Variants in AFF3 observed in about 807,000 individuals in gnomAD.
The protein encoded by AFF3 is ALF transcription elongation factor 3, also known as AF4/FMR2 family member 3.
AFF3 carries 32 observed loss-of-function variants against 129.7 expected under a neutral mutation model. The ratio of observed to expected loss-of-function variants is 0.25; its 90% CI spans 0.19 to 0.33. The LOEUF (loss-of-function observed/expected upper bound fraction) is 0.33, where lower values mean the gene tolerates loss of function less well. AFF3 is among the 10% of genes least tolerant of loss of function. AFF3 has a pLI of 1.00. For synonymous variants in AFF3, 644 were observed against 635.4 expected, an observed-to-expected ratio of 1.01 and a Z score of -0.20; for missense variants, 1,373 against 1,592.0, an observed-to-expected ratio of 0.86 and a Z score of 2.34.
chr2:99,974,920 G>A (rs1002634890), intron 7 of AFF3, among the ~76,000 whole-genome samples: 5 of 152,164 alleles, frequency 3.3e-5, no homozygotes, highest in African/African-American at 9.7e-5. Flanking sequence ...GTGCAGCTCC[G>A]TGGCATGGTG....
At position 99,816,582 on chromosome 2, in the gene AFF3, T is replaced by C. The variant is rs574791548; in HGVS notation, c.921+20895A>G. Among the ~76,000 whole-genome samples the C allele has an allele frequency of 5.2e-4, 79 of 152,266 alleles. No homozygotes were observed. In the Middle Eastern group the frequency reaches 0.017, roughly 33 times the overall value. On this transcript the variant is annotated intron_variant, in intron 8 of 24. Coordinates refer to ENST00000672756, the MANE Select transcript of AFF3 (RefSeq NM_001386135.1). The stretch of plus-strand genomic sequence containing the variant: ...AGACTGCTATCTGCTTGGCTATGAG[T>C]GTCCCTCCTTGGCTTTGGGTCTCCC...
chr2:99,958,204 G>GT (rs1676846831), intron 7 of AFF3, among the ~76,000 whole-genome samples: 1 of 152,114 alleles, frequency 6.6e-6, no homozygotes, highest in Non-Finnish European at 1.5e-5. Flanking sequence ...AAAACTGGGG[G>GT]ATACAGGCAG....
chr2:100,077,811 A>T (rs1174609803), intron 4 of AFF3, among the ~76,000 whole-genome samples: 1 of 152,204 alleles, frequency 6.6e-6, no homozygotes, highest in Non-Finnish European at 1.5e-5. Context: ...AGAGTTTTTA[A>T]GGCTGGATAA....
At chr2:99,611,545 G>A (rs1279801467) in intron 13 of AFF3, among the ~76,000 whole-genome samples, 1 of 152,074 alleles carries the variant, frequency 6.6e-6, no homozygotes, top group Non-Finnish European at 1.5e-5. Flanking sequence ...ATGGAGAGGG[G>A]GCCACAGTTT....
At chr2:99,717,933 G>A (rs1006295191) in intron 11 of AFF3, among the ~76,000 whole-genome samples, 11 of 152,110 alleles carry the variant, frequency 7.2e-5, no homozygotes, top group South Asian at 4.1e-4. Flanking sequence ...GAAAAGACCC[G>A]GCTTTCCCCA....
intron 4 of AFF3, among the ~76,000 whole-genome samples, chr2:100,025,746 ATACT>A (rs1292659118): frequency 6.6e-6 from 1 of 152,206 alleles, no homozygotes; most frequent in African/African-American, 2.4e-5. Flanking sequence ...ATAAACCCAA[ATACT>A]TACAGCCAAC....
intron 4 of AFF3, among the ~76,000 whole-genome samples, chr2:100,019,452 TA>T (rs951530772): frequency 3.9e-5 from 6 of 152,142 alleles, no homozygotes; most frequent in Admixed American, 3.9e-4. Context: ...TCATGATAGC[TA>T]ATCACCCTGA....
At chr2:99,746,491 C>T (rs1026675441) in intron 9 of AFF3, among the ~76,000 whole-genome samples, 2 of 152,172 alleles carry the variant, frequency 1.3e-5, no homozygotes, top group Non-Finnish European at 2.9e-5. Context: ...CTCTATTAAA[C>T]AGCCTGAGTC....
chr2:99,642,124 G>A (rs1455127053), intron 13 of AFF3, among the ~76,000 whole-genome samples: 8 of 152,176 alleles, frequency 5.3e-5, no homozygotes, highest in African/African-American at 1.2e-4. Flanking sequence ...TCAACGGTAC[G>A]AAGCACAAAA....
intron 7 of AFF3, among the ~76,000 whole-genome samples, chr2:99,901,907 C>T (rs796348900): frequency 6.6e-5 from 10 of 152,104 alleles, no homozygotes; most frequent in African/African-American, 2.4e-4. Flanking sequence ...CATGACCGGT[C>T]CCACAGTCAT....
rs554743964 is a variant in AFF3, at chr2:99,641,430, C to T, written c.1184+8196G>A. On this transcript the variant is annotated intron_variant, in intron 13 of 24. Transcript: ENST00000672756. Reference sequence around the variant, plus strand: ...TGGTGGCTCACGCCTGTAATTTCAGCACTTTGGGAGGCTGGGGTGGGTGGA... The same window carrying T: ...TGGTGGCTCACGCCTGTAATTTCAGTACTTTGGGAGGCTGGGGTGGGTGGA... Among the ~76,000 whole-genome samples, 9 of 152,260 alleles carry T rather than the reference C, an allele frequency of 5.9e-5. No individual in the cohort carries two copies. The South Asian group carries it at 1.9e-3, about 32-fold the overall frequency.
chr2:100,030,227 G>T (rs910025149), intron 4 of AFF3, among the ~76,000 whole-genome samples: 17 of 152,076 alleles, frequency 1.1e-4, no homozygotes, highest in African/African-American at 4.1e-4. Context: ...AAAACACCAT[G>T]TAATTTTCCT....
intron 8 of AFF3, among the ~76,000 whole-genome samples, chr2:99,770,764 C>T (rs1219202009): frequency 3.3e-5 from 5 of 152,158 alleles, no homozygotes; most frequent in Non-Finnish European, 5.9e-5. Flanking sequence ...CAGGGTGTCT[C>T]TCTAGAAATG....
At chr2:99,993,792 C>CTTTTTTTTTTTTTTTTT (rs751882272) in intron 7 of AFF3, among the ~76,000 whole-genome samples, 1 of 72,538 alleles carries the variant, frequency 1.4e-5, no homozygotes, top group Non-Finnish European at 2.5e-5. Context: ...AACACTTTAT[C>CTTTTTTTTTTTTTTTTT]TTTTTTTTTT....
chr2:99,694,258 C>T (rs987306202), intron 11 of AFF3, among the ~76,000 whole-genome samples: 1 of 152,154 alleles, frequency 6.6e-6, no homozygotes, highest in Non-Finnish European at 1.5e-5. Flanking sequence ...GTGCTTTAGA[C>T]GTTCAAAGGA....
intron 13 of AFF3, among the ~76,000 whole-genome samples, chr2:99,606,561 T>G (rs559824756): frequency 5.3e-5 from 8 of 152,048 alleles, no homozygotes; most frequent in African/African-American, 1.9e-4. Flanking sequence ...AGTTTTTTTT[T>G]TAAAAAAGAG....
intron 13 of AFF3, among the ~76,000 whole-genome samples, chr2:99,634,222 T>C (rs562509366): frequency 4.8e-4 from 73 of 152,334 alleles, no homozygotes; most frequent in South Asian, 3.5e-3. Flanking sequence ...CTTTTCTTTC[T>C]AAATCACCCA....
At chr2:99,601,656 A>G in intron 13 of AFF3, 35 bp from the exon 14 acceptor site, 1 of 1,573,392 alleles carries the variant, frequency 6.4e-7, no homozygotes, top group African/African-American at 1.3e-5. Flanking sequence ...AAGCAGAGGG[A>G]AGGAAAGCCA....
chr2:99,976,385 A>G (rs1462315087), intron 7 of AFF3, among the ~76,000 whole-genome samples: 1 of 152,214 alleles, frequency 6.6e-6, no homozygotes, highest in Non-Finnish European at 1.5e-5. Flanking sequence ...CAAGGACTCA[A>G]TGAAATTGTA....
Sources: gnomAD v4.1 joint callset for allele counts (sites outside exome capture counted in the v4.1 genomes callset) on GRCh38, gnomAD v4.1.1 for gene constraint, MANE v1.5 for transcripts, NCBI Gene and HGNC (gene_info 2026-07-23, HGNC 2026-07-21) for gene names.